LAMB4: variants seen among roughly 807,000 people sequenced by gnomAD.
LAMB4 encodes the protein laminin subunit beta 4.
A neutral mutation model predicts 199.2 loss-of-function variants in LAMB4; 196 were observed. That is an observed-to-expected ratio of 0.98 (90% CI 0.88 to 1.11). LAMB4 has a LOEUF of 1.11. Among genes scored for constraint, LAMB4 ranks in the 50% least tolerant of loss-of-function variants. The pLI is 0.00. For synonymous variants in LAMB4, 744 were observed against 770.6 expected (o/e 0.97, Z 0.57); for missense variants, 2,080 against 2,171.2 (o/e 0.96, Z 0.83).
intron 7 of LAMB4, 80 bp from the exon 8 acceptor site, chr7:108,106,111 A>C: frequency 9.3e-7 from 1 of 1,077,306 alleles, no homozygotes; most frequent in Non-Finnish European, 1.4e-6. Context: ...ATATACACTT[A>C]ATATACTATA....
chr7:108,120,641 G>A (rs986010368), intron 2 of LAMB4, among the ~76,000 whole-genome samples: 4 of 152,132 alleles, frequency 2.6e-5, no homozygotes, highest in South Asian at 2.1e-4. Context: ...CTTGTTTTCC[G>A]GAATTGGTAT....
Position 108,043,797 on chromosome 7 carries a change from C to A in LAMB4, c.4426G>T (p.Glu1476Ter), listed in dbSNP as rs2035521303. 6.2e-7 allele frequency: 1 copy of A among 1,600,738 alleles called. No homozygotes were observed. Residue 1476 changes from glutamate to a stop codon, truncating the protein, a stop_gained, in exon 29 of 34, where the codon GAA becomes TAA. Transcript: ENST00000388781. LOFTEE classifies it high-confidence loss of function. ...TTTTTGATGAAAAGATTGATGTTTT[C>A]TTCTTCAGAGTCACTTTGGTTTCTT... is the stretch of plus-strand genomic sequence containing the variant. Reference protein sequence around the residue: ...NIRNQSDSEEENINLFIKKVK... With the variant: ...NIRNQSDSEE
At chr7:108,017,556 T>C in the LAMB4 span, among the ~76,000 whole-genome samples, 1 of 152,186 alleles carries the variant, frequency 6.6e-6, no homozygotes, top group African/African-American at 2.4e-5. Flanking sequence ...CTAAAGGACT[T>C]AAACGTGTGC....
intron 16 of LAMB4, among the ~76,000 whole-genome samples, chr7:108,077,271 G>A (rs895618344): frequency 6.6e-6 from 1 of 152,154 alleles, no homozygotes; most frequent in African/African-American, 2.4e-5. Flanking sequence ...CCACAGGATT[G>A]TGCCAAGTAG....
chr7:108,116,239 G>A, intron 2 of LAMB4, 78 bp from the exon 3 acceptor site: 1 of 1,346,848 alleles, frequency 7.4e-7, no homozygotes, highest in Admixed American at 2.2e-5. Flanking sequence ...CTGGTTAAGG[G>A]GGAAAGTTAT....
chr7:108,024,790 T>G (rs2034777605), intron 33 of LAMB4, among the ~76,000 whole-genome samples: 1 of 151,888 alleles, frequency 6.6e-6, no homozygotes, highest in Admixed American at 6.5e-5. Context: ...TTCATTTATA[T>G]AGTCTTCATT....
chr7:108,020,515 T>G (rs1322195235), downstream of LAMB4, among the ~76,000 whole-genome samples: 4 of 151,806 alleles, frequency 2.6e-5, no homozygotes, highest in Admixed American at 1.3e-4. Context: ...TGCATGTTGT[T>G]GTTGCATATA....
At chr7:108,113,808 A>G (rs1255796647) in intron 3 of LAMB4, among the ~76,000 whole-genome samples, 1 of 152,170 alleles carries the variant, frequency 6.6e-6, no homozygotes, top group Non-Finnish European at 1.5e-5. Flanking sequence ...CTTCTGAACA[A>G]AATGTTTTGC....
At chr7:108,104,292 T>C (rs181586974) in intron 9 of LAMB4, among the ~76,000 whole-genome samples, 1 of 152,232 alleles carries the variant, frequency 6.6e-6, no homozygotes, top group African/African-American at 2.4e-5. Context: ...TTTTTAAAGT[T>C]AAACTTAATT....
chr7:108,111,338 T>A (rs564938062), intron 4 of LAMB4, among the ~76,000 whole-genome samples: 4 of 152,360 alleles, frequency 2.6e-5, no homozygotes, highest in African/African-American at 9.6e-5. Context: ...ATCCTTTCAA[T>A]TCAGAGATTT....
At chr7:108,109,020 C>A in intron 5 of LAMB4, 151 bp downstream of exon 5, 1 of 554,450 alleles carries the variant, frequency 1.8e-6, no homozygotes, top group Non-Finnish European at 3.2e-6. Flanking sequence ...TTTTTTTCTT[C>A]ATGTAAGAGT....
At chr7:108,036,748 A>C (rs537118609) in intron 30 of LAMB4, among the ~76,000 whole-genome samples, 1 of 152,184 alleles carries the variant, frequency 6.6e-6, no homozygotes, top group African/African-American at 2.4e-5. Flanking sequence ...CTAAGTCAAC[A>C]GGACAAAAGG....
chr7:108,080,945 A>G (rs573468857), intron 14 of LAMB4, among the ~76,000 whole-genome samples: 1 of 152,190 alleles, frequency 6.6e-6, no homozygotes, highest in South Asian at 2.1e-4. Context: ...AACATGGTGA[A>G]ATCCCGTCTC....
intron 19 of LAMB4, among the ~76,000 whole-genome samples, chr7:108,067,057 C>T (rs536396718): frequency 3.3e-5 from 5 of 152,024 alleles, no homozygotes; most frequent in Non-Finnish European, 7.4e-5. Flanking sequence ...AGGCCCAATC[C>T]TTTTCTGATA....
intron 17 of LAMB4, among the ~76,000 whole-genome samples, chr7:108,073,017 CT>C (rs1188231462): frequency 2.6e-5 from 4 of 152,198 alleles, no homozygotes; most frequent in African/African-American, 9.6e-5. Context: ...TATAGGAATT[CT>C]TTTTTTGATG....
chr7:108,025,444 T>C (rs79026611), intron 33 of LAMB4, among the ~76,000 whole-genome samples: 1,491 of 115,714 alleles, frequency 0.013, 83 homozygotes, highest in African/African-American at 0.084. Flanking sequence ...TTTTTTTTTT[T>C]TGAGACAGAG....
intron 33 of LAMB4, among the ~76,000 whole-genome samples, chr7:108,026,181 C>A (rs2034831083): frequency 6.6e-6 from 1 of 152,218 alleles, no homozygotes; most frequent in Admixed American, 6.5e-5. Flanking sequence ...AGTACCTCCA[C>A]AGCCTCAGTG....
In LAMB4 at chr7:108,055,768, T is replaced by G; in HGVS notation, c.3619A>C (p.Arg1207=). The G allele has an allele frequency of 6.2e-7, 1 of 1,614,238 alleles. No homozygotes were observed. The highest frequency in any genetic ancestry group is 8.5e-7 in the Non-Finnish European group (1 of 1,180,038). Residue 1207 remains arginine (R), a synonymous_variant, in exon 25 of 34, where the codon AGA becomes CGA. Transcript: ENST00000388781. ...MRLAANMEDK[R]ETLPVCEADF... is the part of the protein sequence containing the mutation. ...GCCTCACAGACAGGCAGGGTCTCTC[T>G]TTTATCTTCCATGTTAGCAGCCAGT... is the stretch of plus-strand genomic sequence containing the variant.
intron 2 of LAMB4, among the ~76,000 whole-genome samples, chr7:108,117,202 G>A (rs1436723737): frequency 2.6e-5 from 4 of 152,242 alleles, no homozygotes; most frequent in African/African-American, 9.6e-5. Context: ...AGCATACATG[G>A]TTTTGTGTAG....
Sources: gnomAD v4.1 joint callset for allele counts (sites outside exome capture counted in the v4.1 genomes callset) on GRCh38, gnomAD v4.1.1 for gene constraint, MANE v1.5 for transcripts, NCBI Gene and HGNC (gene_info 2026-07-23, HGNC 2026-07-21) for gene names.